The following CACNA1B variants were observed in gnomAD, a reference collection of about 807,000 sequenced individuals.
CACNA1B encodes the protein voltage-dependent N-type calcium channel subunit alpha-1B.
Under a neutral mutation model 247.2 loss-of-function variants are expected in CACNA1B, and 70 were observed. The ratio of observed to expected loss-of-function variants is 0.28; its 90% confidence interval spans 0.23 to 0.35. The LOEUF (loss-of-function observed/expected upper bound fraction) is 0.35, where lower values mean the gene tolerates loss of function less well. Among genes scored for constraint, CACNA1B ranks in the 10% least tolerant of loss-of-function variants. The pLI, the probability that CACNA1B is intolerant of heterozygous loss-of-function variation, is 1.00. For synonymous variants in CACNA1B, 1,231 were observed against 1,294.4 expected, an observed-to-expected ratio of 0.95 and a Z score of 1.05; for missense variants, 2,367 against 3,197.4, an observed-to-expected ratio of 0.74 and a Z score of 6.26.
chr9:138,115,444 C>T, intron 41 of CACNA1B, 108 bp from the exon 42 acceptor site: 1 of 1,218,490 alleles, frequency 8.2e-7, no homozygotes, highest in Non-Finnish European at 1.1e-6. Context: ...TTAGGCTGGG[C>T]TTGAACATGA....
intron 3 of CACNA1B, among the ~76,000 whole-genome samples, chr9:137,898,356 T>C (rs1029935584): frequency 1.3e-5 from 2 of 152,216 alleles, no homozygotes; most frequent in African/African-American, 4.8e-5. Context: ...TTTATTTCTC[T>C]TACCAAATTT....
intron 31 of CACNA1B, among the ~76,000 whole-genome samples, chr9:138,065,690 A>G (rs1959890383): frequency 6.6e-6 from 1 of 152,174 alleles, no homozygotes; most frequent in Non-Finnish European, 1.5e-5. Flanking sequence ...CATTTGGGTT[A>G]TGCTTGGAGT....
chr9:138,028,554 C>T (rs1386925141), intron 20 of CACNA1B, among the ~76,000 whole-genome samples: 3 of 152,176 alleles, frequency 2.0e-5, no homozygotes, highest in South Asian at 4.1e-4. Context: ...AACATCCATA[C>T]GATTCCCATA....
chr9:137,892,580 G>A (rs1957118190), intron 3 of CACNA1B: 5 of 357,734 alleles, frequency 1.4e-5, no homozygotes, highest in South Asian at 1.0e-4. Context: ...TGGAGCCACA[G>A]GCACCCCGAA....
In CACNA1B at chr9:137,890,763, AGGGGTGGGGGTCCAGGGAGAGTGTGGT is replaced by A. The variant is rs1309013881; in HGVS notation, c.530+7885_530+7911del. On this transcript the variant is annotated intron_variant, in intron 3 of 46. Transcript: ENST00000371372. ...CTTGATTTCCTGCCCCAGCAGCTGG[AGGGGTGGGGGTCCAGGGAGAGTGTGGT>A]GGGGACAGTGAGCGGCAGAGCTGGA... is the stretch of plus-strand genomic sequence containing the variant. 5 of 149,064 alleles carry A rather than the reference AGGGGTGGGGGTCCAGGGAGAGTGTGGT, an allele frequency of 3.4e-5. 1 individual carries two copies. Among genetic ancestry groups the A allele is most frequent in the Admixed American group, 1.3e-4 (2 of 14,916 alleles). The allele number at this position is 149,064 out of a possible 1,614,324, so 9.2% of individuals were successfully genotyped here.
chr9:137,910,022 C>T (rs1022102088), intron 3 of CACNA1B, among the ~76,000 whole-genome samples: 24 of 152,258 alleles, frequency 1.6e-4, no homozygotes, highest in African/African-American at 5.8e-4. Context: ...CTGCCTGCTT[C>T]GGCCTCCCAA....
intron 31 of CACNA1B, among the ~76,000 whole-genome samples, chr9:138,061,510 G>C (rs1011386414): frequency 6.6e-6 from 1 of 152,180 alleles, no homozygotes; most frequent in Non-Finnish European, 1.5e-5. Flanking sequence ...ACCCCATGAA[G>C]TGTATCACCA....
intron 31 of CACNA1B, among the ~76,000 whole-genome samples, chr9:138,064,666 C>T (rs1959851678): frequency 1.3e-5 from 2 of 152,212 alleles, no homozygotes; most frequent in Non-Finnish European, 2.9e-5. Flanking sequence ...TGGACCTTTG[C>T]AGGTCAGGGC....
chr9:138,043,760 C>T lies in CACNA1B; in HGVS notation c.3287-14C>T, dbSNP rs1959161019. On this transcript the variant is annotated splice_polypyrimidine_tract_variant and intron_variant, in intron 20 of 46. Coordinates refer to ENST00000371372, the MANE Select transcript of CACNA1B (RefSeq NM_000718.4). Reference sequence around the variant, plus strand: ...GCACTACACCCCTTACTCGGGGGCCCTGTGTCCTTGTAGGTGGTAACGTGG... The same window carrying T: ...GCACTACACCCCTTACTCGGGGGCCTTGTGTCCTTGTAGGTGGTAACGTGG... 3 of 1,613,894 alleles carry T rather than the reference C, an allele frequency of 1.9e-6. 1 individual carries two copies. The East Asian group carries it at 6.7e-5, about 36-fold the overall frequency.
At chr9:137,989,683 C>A (rs1275828958) in intron 15 of CACNA1B, among the ~76,000 whole-genome samples, 4 of 152,132 alleles carry the variant, frequency 2.6e-5, no homozygotes, top group South Asian at 2.1e-4. Flanking sequence ...GCCAAGAATT[C>A]TGAATCCAGA....
At chr9:137,985,372 A>G (rs1043858532) in intron 13 of CACNA1B, among the ~76,000 whole-genome samples, 9 of 152,188 alleles carry the variant, frequency 5.9e-5, no homozygotes, top group Non-Finnish European at 1.3e-4. Flanking sequence ...GTGAGGCTTC[A>G]GGAAGTGTCC....
intron 15 of CACNA1B, among the ~76,000 whole-genome samples, chr9:138,001,762 A>C (rs1958580343): frequency 6.6e-6 from 1 of 152,202 alleles, no homozygotes; most frequent in Non-Finnish European, 1.5e-5. Flanking sequence ...ATAATAAATA[A>C]CATTATTCAA....
intron 15 of CACNA1B, among the ~76,000 whole-genome samples, chr9:137,999,086 C>G (rs1256559838): frequency 1.3e-5 from 2 of 152,170 alleles, no homozygotes; most frequent in African/African-American, 4.8e-5. Context: ...GTGGGCAGAT[C>G]ACCTGAGGTC....
At chr9:138,091,472 A>G (rs1960877577) in intron 36 of CACNA1B, among the ~76,000 whole-genome samples, 2 of 152,224 alleles carry the variant, frequency 1.3e-5, no homozygotes, top group Middle Eastern at 3.2e-3. Context: ...AGTCTTCTGT[A>G]TCACTGTAGG....
chr9:137,935,713 C>T (rs1288788753), intron 6 of CACNA1B, among the ~76,000 whole-genome samples: 1 of 152,202 alleles, frequency 6.6e-6, no homozygotes, highest in Non-Finnish European at 1.5e-5. Flanking sequence ...GTTTACACTC[C>T]CAACAACAGT....
intron 6 of CACNA1B, among the ~76,000 whole-genome samples, chr9:137,945,006 A>G (rs1957778888): frequency 6.6e-6 from 1 of 152,000 alleles, no homozygotes. Context: ...ACTTTTGCAG[A>G]TTGTTGGGTT....
chr9:137,929,092 G>A (rs932782771), intron 6 of CACNA1B, among the ~76,000 whole-genome samples: 2 of 152,142 alleles, frequency 1.3e-5, no homozygotes, highest in Non-Finnish European at 2.9e-5. Flanking sequence ...TTTCTCTTGG[G>A]TATGGACCTA....
chr9:137,928,516 G>A (rs1337485187), intron 6 of CACNA1B, among the ~76,000 whole-genome samples: 4 of 152,168 alleles, frequency 2.6e-5, no homozygotes, highest in Non-Finnish European at 4.4e-5. Context: ...AGATTGTATA[G>A]AAATGTGTTA....
At chr9:138,043,636 T>C in intron 20 of CACNA1B, 138 bp from the exon 21 acceptor site, 2 of 877,582 alleles carry the variant, frequency 2.3e-6, no homozygotes, top group Non-Finnish European at 3.6e-6. Flanking sequence ...GAAGCACTGT[T>C]CTTAGCTGCT....
Sources: gnomAD v4.1 joint callset for allele counts (sites outside exome capture counted in the v4.1 genomes callset) on GRCh38, gnomAD v4.1.1 for gene constraint, MANE v1.5 for transcripts, NCBI Gene and HGNC (gene_info 2026-07-23, HGNC 2026-07-21) for gene names.